The following BBX variants were observed in gnomAD, a reference collection of about 807,000 sequenced individuals.
BBX encodes the protein HMG box transcription factor BBX.
A neutral mutation model predicts 100.2 loss-of-function variants in BBX; 30 were observed. The ratio of observed to expected loss-of-function variants is 0.30; its 90% CI spans 0.22 to 0.41. BBX has a LOEUF of 0.41. Ranked by LOEUF, BBX falls within the 10% of genes least tolerant of loss-of-function variation. The probability of loss-of-function intolerance (pLI) is 1.00; values close to 1 mark genes in which losing one functional copy is unlikely to be tolerated. For synonymous variants in BBX, 376 were observed against 388.1 expected (o/e 0.97, Z 0.37); for missense variants, 1,023 against 1,129.8 (o/e 0.91, Z 1.35).
At chr3:107,778,239 C>T in intron 12 of BBX, 132 bp from the exon 13 acceptor site, 3 of 1,117,854 alleles carry the variant, frequency 2.7e-6, no homozygotes, top group East Asian at 2.5e-5. Flanking sequence ...TGTTTTTTTC[C>T]TTGCACAGAA....
chr3:107,612,074 T>G (rs2054885369), intron 2 of BBX, among the ~76,000 whole-genome samples: 1 of 152,146 alleles, frequency 6.6e-6, no homozygotes, highest in South Asian at 2.1e-4. Context: ...TTCTTTTTAA[T>G]TATTTCAATC....
chr3:107,809,858 AT>A lies in BBX; in HGVS notation c.*4404del, dbSNP rs2071221064. 2.0e-5 allele frequency: 3 copies of A among 152,152 alleles called. No homozygotes were observed. Among genetic ancestry groups the A allele is most frequent in the Non-Finnish European group, 2.9e-5 (2 of 68,026 alleles). The allele number at this position is 152,152 out of a possible 1,614,324, so 9.4% of individuals were successfully genotyped here. On this transcript the variant is annotated 3_prime_UTR_variant, in exon 18 of 18. Transcript: ENST00000325805. Reference sequence around the variant, plus strand: ...TATACAAGCATTCCCAAAGAACTAGATTTGGATTTTGTTTTGAGTTTTTGGA... The same window carrying A: ...TATACAAGCATTCCCAAAGAACTAGATTGGATTTTGTTTTGAGTTTTTGGA...
chr3:107,666,417 T>A (rs1232317728), intron 3 of BBX, among the ~76,000 whole-genome samples: 1 of 152,068 alleles, frequency 6.6e-6, no homozygotes, highest in Non-Finnish European at 1.5e-5. Context: ...ACTTTTAGCA[T>A]AAAATGAGAA....
chr3:107,632,364 C>A (rs905811340), intron 2 of BBX, among the ~76,000 whole-genome samples: 1 of 152,072 alleles, frequency 6.6e-6, no homozygotes, highest in African/African-American at 2.4e-5. Context: ...GGATTACAGG[C>A]GTGAGCTACC....
intron 10 of BBX, among the ~76,000 whole-genome samples, chr3:107,758,615 G>A (rs760143798): frequency 5.3e-5 from 8 of 151,990 alleles, no homozygotes; most frequent in Non-Finnish European, 8.8e-5. Context: ...TCCTACTGTC[G>A]GGAAAAAGCC....
chr3:107,728,834 T>C lies in BBX; in HGVS notation c.475T>C (p.Ser159Pro), dbSNP rs753825980. Residue 159 changes from serine (S) to proline (P), a missense_variant, in exon 6 of 18, where the codon TCC (serine) becomes CCC (proline). Physicochemically the swap from Ser to Pro is moderately conservative, Grantham distance 74. This residue lies in a region of BBX where 229 missense variants were observed against 226.3 expected (regional missense o/e 1.01). Transcript: ENST00000325805. ...TCCTACCACAAACAAGCCTGTGAAA[T>C]CCCCAACACCCACTGTCAATCCACG... ...WCPTTNKPVK[S>P]PTPTVNPRKK... 6.2e-7 allele frequency: 1 copy of C among 1,613,798 alleles called. No individual in the cohort carries two copies. Among genetic ancestry groups the C allele is most frequent in the Non-Finnish European group, 8.5e-7 (1 of 1,179,834 alleles).
At chr3:107,792,328 C>G (rs1482068490) in intron 15 of BBX, among the ~76,000 whole-genome samples, 1 of 152,162 alleles carries the variant, frequency 6.6e-6, no homozygotes, top group Non-Finnish European at 1.5e-5. Flanking sequence ...CTTTGATTCA[C>G]TTATATCCAG....
intron 2 of BBX, among the ~76,000 whole-genome samples, chr3:107,538,332 C>T (rs2048642265): frequency 6.6e-6 from 1 of 152,078 alleles, no homozygotes; most frequent in Non-Finnish European, 1.5e-5. Context: ...GTTTGAGGAC[C>T]TGGTCTCACG....
At chr3:107,779,491 G>T (rs550589478) in intron 13 of BBX, among the ~76,000 whole-genome samples, 44 of 152,036 alleles carry the variant, frequency 2.9e-4, no homozygotes, top group Non-Finnish European at 5.4e-4. Context: ...AACTTGGGTG[G>T]CTGGGCTGTA....
chr3:107,596,540 T>C (rs1052715249), intron 2 of BBX, among the ~76,000 whole-genome samples: 2 of 152,162 alleles, frequency 1.3e-5, no homozygotes, highest in Non-Finnish European at 2.9e-5. Flanking sequence ...AAGCTAGGAA[T>C]TGAACCCAGC....
chr3:107,770,575 A>G (rs1349630790), intron 10 of BBX, among the ~76,000 whole-genome samples: 1 of 152,198 alleles, frequency 6.6e-6, no homozygotes, highest in Admixed American at 6.5e-5. Context: ...AATTAAGATA[A>G]CATTTTGCTT....
At chr3:107,703,829 G>C (rs928375150) in intron 3 of BBX, among the ~76,000 whole-genome samples, 17 of 152,142 alleles carry the variant, frequency 1.1e-4, no homozygotes, top group African/African-American at 4.1e-4. Context: ...AAGAGTTTTA[G>C]AGTTAATCTA....
At chr3:107,538,759 C>T (rs1181270802) in intron 2 of BBX, among the ~76,000 whole-genome samples, 1 of 151,812 alleles carries the variant, frequency 6.6e-6, no homozygotes, top group Non-Finnish European at 1.5e-5. Context: ...ATCAGAGGAA[C>T]ACAGTACTAA....
intron 13 of BBX, among the ~76,000 whole-genome samples, chr3:107,782,675 A>AC: frequency 6.6e-6 from 1 of 151,858 alleles, no homozygotes; most frequent in Non-Finnish European, 1.5e-5. Flanking sequence ...TCCTTCTGGC[A>AC]CCCCTCCTAA....
chr3:107,639,141 C>G (rs1279874573), intron 2 of BBX, among the ~76,000 whole-genome samples: 2 of 152,182 alleles, frequency 1.3e-5, no homozygotes, highest in Non-Finnish European at 2.9e-5. Context: ...TAATTAATGA[C>G]TTCCCTTTTT....
At chr3:107,616,812 G>A (rs1045906444) in intron 2 of BBX, among the ~76,000 whole-genome samples, 10 of 151,896 alleles carry the variant, frequency 6.6e-5, no homozygotes, top group African/African-American at 2.4e-4. Flanking sequence ...TTATATATGT[G>A]GTTTGCATGT....
intron 3 of BBX, among the ~76,000 whole-genome samples, chr3:107,647,329 G>A (rs540978880): frequency 2.6e-5 from 4 of 152,214 alleles, no homozygotes; most frequent in Admixed American, 6.5e-5. Context: ...AAGCAAAGCC[G>A]GACACTTTAT....
chr3:107,717,196 G>C (rs541832353), intron 5 of BBX, among the ~76,000 whole-genome samples: 2 of 152,252 alleles, frequency 1.3e-5, no homozygotes, highest in East Asian at 3.9e-4. Flanking sequence ...GTAATTTATT[G>C]TGAATGGTGA....
At chr3:107,769,867 C>T (rs778976165) in intron 10 of BBX, among the ~76,000 whole-genome samples, 13 of 152,044 alleles carry the variant, frequency 8.6e-5, no homozygotes, top group South Asian at 2.1e-4. Flanking sequence ...TCTAGAGTGA[C>T]GCCCAACTCT....
Sources: allele counts gnomAD v4.1 joint callset (sites outside exome capture counted in the v4.1 genomes callset), GRCh38; gene constraint gnomAD v4.1.1; regional missense constraint gnomAD v4.1.1; transcripts MANE v1.5; gene names NCBI Gene and HGNC (gene_info 2026-07-23, HGNC 2026-07-21).